Variants in EPHA6 observed in about 807,000 individuals in gnomAD.
EPHA6 encodes EPH receptor A6.
Under a neutral mutation model 112.0 loss-of-function variants are expected in EPHA6, and 50 were observed. That is an observed-to-expected ratio of 0.45 (90% CI 0.36 to 0.56). The LOEUF is 0.56. Ranked by LOEUF, EPHA6 falls within the 20% of genes least tolerant of loss-of-function variation. The probability of loss-of-function intolerance (pLI) is 0.00; values close to 1 mark genes in which losing one functional copy is unlikely to be tolerated. For synonymous variants in EPHA6, 529 were observed against 490.7 expected (o/e 1.08, Z -1.03); for missense variants, 1,280 against 1,417.4 (o/e 0.90, Z 1.56).
intron 2 of EPHA6, among the ~76,000 whole-genome samples, chr3:96,925,675 G>T (rs138006500): frequency 0.011 from 1,535 of 145,424 alleles, 24 homozygotes; most frequent in African/African-American, 0.037. Context: ...ACGTGATCTT[G>T]GCTCACTGCA....
chr3:97,071,599 G>A (rs544367513), intron 3 of EPHA6, among the ~76,000 whole-genome samples: 2 of 152,162 alleles, frequency 1.3e-5, no homozygotes, highest in Non-Finnish European at 2.9e-5. Flanking sequence ...CAGGAGAATA[G>A]CATGAGAAAG....
chr3:97,613,623 G>A (rs892596711), intron 13 of EPHA6, among the ~76,000 whole-genome samples: 1 of 152,058 alleles, frequency 6.6e-6, no homozygotes, highest in Non-Finnish European at 1.5e-5. Context: ...GGGCAGTGTA[G>A]TCAAGTGTGT....
intron 2 of EPHA6, among the ~76,000 whole-genome samples, chr3:96,978,616 GT>G (rs1159282206): frequency 6.6e-6 from 1 of 151,922 alleles, no homozygotes; most frequent in Non-Finnish European, 1.5e-5. Flanking sequence ...TGTTTTGAGT[GT>G]TTTGGTACCT....
intron 2 of EPHA6, among the ~76,000 whole-genome samples, chr3:96,881,695 G>A (rs1157888368): frequency 3.3e-5 from 5 of 152,156 alleles, no homozygotes; most frequent in Admixed American, 6.5e-5. Context: ...TAACTCAAAA[G>A]TGCAGAGTCC....
chr3:97,254,499 T>A (rs1559830620), intron 5 of EPHA6, among the ~76,000 whole-genome samples: 1 of 152,204 alleles, frequency 6.6e-6, no homozygotes, highest in South Asian at 2.1e-4. Flanking sequence ...TAATTATATT[T>A]AAATTTAAAC....
chr3:97,298,811 A>G (rs905175262), intron 5 of EPHA6, among the ~76,000 whole-genome samples: 3 of 152,102 alleles, frequency 2.0e-5, no homozygotes, highest in Non-Finnish European at 4.4e-5. Context: ...CTACCAAATC[A>G]CCATAAATAA....
At chr3:97,324,449 C>CTTTCTTTCT (rs2082298964) in intron 5 of EPHA6, among the ~76,000 whole-genome samples, 1 of 145,212 alleles carries the variant, frequency 6.9e-6, no homozygotes, top group African/African-American at 2.6e-5. Flanking sequence ...TTCTTTCTTT[C>CTTTCTTTCT]TTTCTTTCTT....
intron 3 of EPHA6, among the ~76,000 whole-genome samples, chr3:97,004,473 T>G (rs1214937483): frequency 2.0e-5 from 3 of 152,204 alleles, no homozygotes; most frequent in African/African-American, 7.2e-5. Context: ...CTATGCCCAC[T>G]TTTTGATGGG....
intron 3 of EPHA6, among the ~76,000 whole-genome samples, chr3:97,046,879 A>G (rs1230649333): frequency 6.6e-6 from 1 of 152,112 alleles, no homozygotes; most frequent in Non-Finnish European, 1.5e-5. Flanking sequence ...ATAGATGAAA[A>G]ACTTCAATAC....
intron 5 of EPHA6, among the ~76,000 whole-genome samples, chr3:97,246,509 G>A (rs1309505948): frequency 6.6e-6 from 1 of 151,708 alleles, no homozygotes; most frequent in Non-Finnish European, 1.5e-5. Flanking sequence ...GAACTAAGAG[G>A]TGGTATACAT....
chr3:97,181,155 G>A (rs993793900), intron 3 of EPHA6, among the ~76,000 whole-genome samples: 4 of 152,092 alleles, frequency 2.6e-5, no homozygotes, highest in Non-Finnish European at 5.9e-5. Flanking sequence ...TAACAAGATA[G>A]CACTGAGTAC....
intron 3 of EPHA6, among the ~76,000 whole-genome samples, chr3:97,082,967 A>G (rs1401702535): frequency 6.6e-6 from 1 of 151,932 alleles, no homozygotes; most frequent in Non-Finnish European, 1.5e-5. Flanking sequence ...TTTCAATTAG[A>G]AAATGCTTTG....
chr3:97,463,271 T>A (rs2090950977), intron 7 of EPHA6, among the ~76,000 whole-genome samples: 1 of 152,072 alleles, frequency 6.6e-6, no homozygotes, highest in Non-Finnish European at 1.5e-5. Flanking sequence ...ACTTTCCCCA[T>A]GTATATAATA....
chr3:97,660,114 A>T (rs1016518995), intron 14 of EPHA6, among the ~76,000 whole-genome samples: 1 of 151,858 alleles, frequency 6.6e-6, no homozygotes, highest in Admixed American at 6.6e-5. Flanking sequence ...TTTAATTTTT[A>T]CTCTTGAAAC....
At chr3:97,164,727 T>A (rs549325974) in intron 3 of EPHA6, among the ~76,000 whole-genome samples, 1 of 152,128 alleles carries the variant, frequency 6.6e-6, no homozygotes, top group Admixed American at 6.6e-5. Context: ...AGTCTTTTTT[T>A]CATGATTAAG....
At position 97,226,283 on chromosome 3, in the gene EPHA6, T is replaced by C. The variant is rs761278795; in HGVS notation, c.1134T>C (p.Tyr378=). 10 of 1,609,648 alleles carry C rather than the reference T, an allele frequency of 6.2e-6. No individual in the cohort carries two copies. The South Asian group carries it at 7.8e-5, about 13-fold the overall frequency. ...GSCHACRPGF[Y]KAFAGNTKCS... Reference sequence around the variant, plus strand: ...TTACAGCTTGCAGACCAGGATTCTATAAAGCTTTTGCTGGGAACACAAAAT... The same window carrying C: ...TTACAGCTTGCAGACCAGGATTCTACAAAGCTTTTGCTGGGAACACAAAAT... The change falls in exon 4 of 18, where the codon TAT becomes TAC. Residue 378 remains tyrosine (Y), a synonymous_variant. Coordinates refer to ENST00000389672, the MANE Select transcript of EPHA6 (RefSeq NM_001080448.3).
intron 16 of EPHA6, among the ~76,000 whole-genome samples, chr3:97,742,864 A>T (rs75768501): frequency 0.067 from 10,271 of 152,224 alleles, 1,104 homozygotes; most frequent in African/African-American, 0.23. Context: ...AAGGGTATGT[A>T]CATAGTGTAT....
At chr3:97,257,477 C>T (rs1191115099) in intron 5 of EPHA6, among the ~76,000 whole-genome samples, 2 of 151,936 alleles carry the variant, frequency 1.3e-5, no homozygotes, top group African/African-American at 4.8e-5. Flanking sequence ...CAAATTAAAA[C>T]AGTAATGGTA....
At chr3:97,292,064 G>C (rs770995959) in intron 5 of EPHA6, among the ~76,000 whole-genome samples, 23 of 152,254 alleles carry the variant, frequency 1.5e-4, no homozygotes, top group Non-Finnish European at 3.4e-4. Flanking sequence ...GTAGCAGGTT[G>C]GGCAGCTCCA....
Sources: allele counts gnomAD v4.1 joint callset (sites outside exome capture counted in the v4.1 genomes callset), GRCh38; gene constraint gnomAD v4.1.1; transcripts MANE v1.5; gene names NCBI Gene and HGNC (gene_info 2026-07-23, HGNC 2026-07-21).